The following NEK1 variants were observed in gnomAD, a reference collection of about 807,000 sequenced individuals.
NEK1 encodes NIMA related kinase 1.
A neutral mutation model predicts 182.1 loss-of-function variants in NEK1; 137 were observed. That is an observed-to-expected ratio of 0.75 (90% CI 0.65 to 0.87). The LOEUF (loss-of-function observed/expected upper bound fraction) is 0.87, where lower values mean the gene tolerates loss of function less well. NEK1 is among the 40% of genes least tolerant of loss of function. NEK1 has a pLI of 0.00. For missense variants in NEK1, 1,391 were observed against 1,494.4 expected, an observed-to-expected ratio of 0.93 and a Z score of 1.14; for synonymous variants, 513 against 492.2, an observed-to-expected ratio of 1.04 and a Z score of -0.56.
chr4:169,540,951 T>C lies in NEK1; in HGVS notation c.1563-3040A>G, dbSNP rs541867655. On this transcript the variant is annotated intron_variant, in intron 18 of 35. Transcript: ENST00000507142. The stretch of plus-strand genomic sequence containing the variant: ...CTTTCCTTTTCTTATTGTAAACACA[T>C]GAATAAGCAACAAGATTTGGCTGGG... Among the ~76,000 whole-genome samples the C allele has an allele frequency of 6.6e-5, 10 of 152,002 alleles. No individual in the cohort carries two copies. The South Asian group carries it at 1.9e-3, about 28-fold the overall frequency.
Position 169,590,802 on chromosome 4 carries a change from T to C in NEK1, c.320A>G (p.Asp107Gly), listed in dbSNP as rs1396336871. 3 of 1,589,398 alleles carry C rather than the reference T, an allele frequency of 1.9e-6. No homozygotes were observed. The highest frequency in any genetic ancestry group is 3.5e-5 in the Admixed American group (2 of 56,858). Residue 107 changes from aspartate to glycine, a missense_variant, in exon 6 of 36, where the codon GAC becomes GGC. Physicochemically the swap from Asp to Gly is moderately conservative, Grantham distance 94. Around this residue, in one of 5 missense-constraint regions of NEK1, gnomAD observed 116 missense variants for 114.5 expected, o/e 1.01. Coordinates refer to ENST00000507142, the MANE Select transcript of NEK1 (RefSeq NM_001199397.3). ...GGCCAAACATATCTGTACAAACCAG[T>C]CCAAAATCTAGGAAGAAAAATCAGA... ...GVLFQEDQILDWFVQICLALK... is the reference protein window; with the variant it reads ...GVLFQEDQILGWFVQICLALK...
intron 26 of NEK1, among the ~76,000 whole-genome samples, chr4:169,473,893 G>A (rs572564074): frequency 8.5e-5 from 13 of 152,234 alleles, no homozygotes; most frequent in East Asian, 7.7e-4. Flanking sequence ...AAAACTTACC[G>A]ACATGAAGGT....
chr4:169,590,872 T>G (rs942605785), intron 5 of NEK1, 63 bp from the exon 6 acceptor site: 13 of 1,101,470 alleles, frequency 1.2e-5, no homozygotes, highest in Non-Finnish European at 1.3e-6. Context: ...CAAGAATATT[T>G]AGGGATGAGA....
intron 18 of NEK1, among the ~76,000 whole-genome samples, chr4:169,545,210 C>T (rs1423176764): frequency 2.4e-5 from 3 of 126,802 alleles, no homozygotes; most frequent in African/African-American, 8.8e-5. Flanking sequence ...CCCCTCCCCC[C>T]ACCCCACCAC....
intron 27 of NEK1, among the ~76,000 whole-genome samples, chr4:169,440,391 A>G (rs1157381938): frequency 1.3e-5 from 2 of 152,144 alleles, no homozygotes; most frequent in East Asian, 3.9e-4. Flanking sequence ...TTTAAAAATC[A>G]ATCAATGCAA....
intron 19 of NEK1, among the ~76,000 whole-genome samples, chr4:169,512,017 T>C (rs1012922308): frequency 5.3e-5 from 8 of 152,158 alleles, no homozygotes; most frequent in African/African-American, 1.7e-4. Flanking sequence ...CATTCACCCA[T>C]TAAAGGGCAT....
At chr4:169,598,981 C>A in intron 5 of NEK1, 119 bp downstream of exon 5, 1 of 711,608 alleles carries the variant, frequency 1.4e-6, no homozygotes, top group South Asian at 1.8e-5. Context: ...TATTGATATA[C>A]TAAACTTCCC....
intron 27 of NEK1, among the ~76,000 whole-genome samples, chr4:169,455,411 G>C (rs1203794115): frequency 6.6e-6 from 1 of 150,486 alleles, no homozygotes; most frequent in African/African-American, 2.4e-5. Context: ...CAAAAATAAA[G>C]GGATGAATAA....
chr4:169,413,367 C>G (rs1318786833), intron 31 of NEK1, among the ~76,000 whole-genome samples: 3 of 151,964 alleles, frequency 2.0e-5, no homozygotes, highest in Non-Finnish European at 4.4e-5. Flanking sequence ...GAGGTGGGGG[C>G]TAACTATGTT....
chr4:169,555,280 GA>G (rs1316026736), intron 18 of NEK1: 1 of 184,420 alleles, frequency 5.4e-6, no homozygotes, highest in Non-Finnish European at 1.1e-5. Flanking sequence ...TTATAAATCA[GA>G]GATGAAGGTG....
chr4:169,442,366 C>A (rs1429429320), intron 27 of NEK1, among the ~76,000 whole-genome samples: 1 of 152,092 alleles, frequency 6.6e-6, no homozygotes, highest in Non-Finnish European at 1.5e-5. Context: ...CATATGAAGA[C>A]TGCACTACTC....
chr4:169,611,148 T>A (rs1772259188), intron 2 of NEK1, among the ~76,000 whole-genome samples: 1 of 152,212 alleles, frequency 6.6e-6, no homozygotes, highest in African/African-American at 2.4e-5. Flanking sequence ...AGGCAGGAGA[T>A]TAGACAGGGC....
chr4:169,550,253 A>T (rs1219320376), intron 18 of NEK1, among the ~76,000 whole-genome samples: 1 of 152,112 alleles, frequency 6.6e-6, no homozygotes, highest in Admixed American at 6.6e-5. Flanking sequence ...GCAAGACATG[A>T]CTTTACTTCT....
At chr4:169,605,860 A>T (rs1771251289) in intron 2 of NEK1, among the ~76,000 whole-genome samples, 1 of 152,196 alleles carries the variant, frequency 6.6e-6, no homozygotes, top group Admixed American at 6.6e-5. Context: ...CAAGGAAAAA[A>T]TCAGAGACTT....
intron 5 of NEK1, among the ~76,000 whole-genome samples, chr4:169,591,139 A>G (rs1320274512): frequency 6.8e-6 from 1 of 148,144 alleles, no homozygotes; most frequent in Non-Finnish European, 1.5e-5. Context: ...TCTTTTTTCT[A>G]TAACGCCCCC....
chr4:169,475,304 T>C (rs1335177675), intron 26 of NEK1, among the ~76,000 whole-genome samples: 1 of 152,142 alleles, frequency 6.6e-6, no homozygotes, highest in African/African-American at 2.4e-5. Context: ...ATAGTGTCTA[T>C]TCCTACCAGC....
At chr4:169,417,495 G>C (rs1312619592) in intron 31 of NEK1, among the ~76,000 whole-genome samples, 2 of 152,182 alleles carry the variant, frequency 1.3e-5, no homozygotes, top group Non-Finnish European at 2.9e-5. Context: ...TGGTTGATAT[G>C]ACTAGTAGAT....
At chr4:169,569,894 A>G (rs2149995012) in intron 12 of NEK1, among the ~76,000 whole-genome samples, 1 of 152,302 alleles carries the variant, frequency 6.6e-6, no homozygotes, top group South Asian at 2.1e-4. Context: ...CCGAGATTGT[A>G]GCCTCTGCCC....
chr4:169,451,836 A>G (rs1401257081), intron 27 of NEK1, among the ~76,000 whole-genome samples: 1 of 152,242 alleles, frequency 6.6e-6, no homozygotes, highest in East Asian at 1.9e-4. Flanking sequence ...AAAATCAATG[A>G]ATCCAGGAGA....
Sources: gnomAD v4.1 joint callset for allele counts (sites outside exome capture counted in the v4.1 genomes callset) on GRCh38, gnomAD v4.1.1 for gene constraint, gnomAD v4.1.1 regional missense constraint, MANE v1.5 for transcripts, NCBI Gene and HGNC (gene_info 2026-07-23, HGNC 2026-07-21) for gene names.